Variants in PACRG observed in about 807,000 individuals in gnomAD.
The protein encoded by PACRG is parkin coregulated.
A neutral mutation model predicts 29.7 loss-of-function variants in PACRG; 29 were observed. The observed-to-expected ratio is 0.98, with a 90% CI of 0.73 to 1.33. The LOEUF is 1.33. PACRG is among the 40% of genes most tolerant of loss of function. The probability of loss-of-function intolerance (pLI) is 0.00; values close to 1 mark genes in which losing one functional copy is unlikely to be tolerated. For missense variants in PACRG, 279 were observed against 316.2 expected (o/e 0.88, Z 0.89); for synonymous variants, 116 against 118.7 (o/e 0.98, Z 0.15).
At chr6:162,957,266 CT>C in intron 2 of PACRG, 1 of 521,962 alleles carries the variant, frequency 1.9e-6, no homozygotes. Flanking sequence ...GCTGTCAACA[CT>C]TTCACAATGA....
intron 2 of PACRG, among the ~76,000 whole-genome samples, chr6:162,824,439 C>T (rs1788105779): frequency 6.6e-6 from 1 of 152,100 alleles, no homozygotes; most frequent in Non-Finnish European, 1.5e-5. Context: ...AATCCAATTC[C>T]ATTGATCTCA....
At chr6:162,994,612 C>T (rs1803786673) in intron 2 of PACRG, among the ~76,000 whole-genome samples, 1 of 150,894 alleles carries the variant, frequency 6.6e-6, no homozygotes, top group African/African-American at 2.5e-5. Flanking sequence ...AAGCACTTCT[C>T]TGTATTGGTT....
At chr6:163,063,530 C>G (rs1811269845) in intron 3 of PACRG, among the ~76,000 whole-genome samples, 1 of 152,168 alleles carries the variant, frequency 6.6e-6, no homozygotes, top group Admixed American at 6.5e-5. Context: ...TTAATCGTAT[C>G]CAAGGTCACC....
chr6:162,928,871 T>G (rs1448420158), intron 2 of PACRG, among the ~76,000 whole-genome samples: 1 of 152,078 alleles, frequency 6.6e-6, no homozygotes, highest in Non-Finnish European at 1.5e-5. Flanking sequence ...GTATGGTATT[T>G]GTCTTTCTGT....
chr6:162,829,963 T>G (rs1467064297), intron 2 of PACRG, among the ~76,000 whole-genome samples: 1 of 152,048 alleles, frequency 6.6e-6, no homozygotes, highest in African/African-American at 2.4e-5. Flanking sequence ...ACAAAACCAA[T>G]GTGGTATAGA....
chr6:163,092,890 A>C (rs1476144598), intron 4 of PACRG, among the ~76,000 whole-genome samples: 2 of 152,216 alleles, frequency 1.3e-5, no homozygotes, highest in Admixed American at 6.5e-5. Context: ...GGCAACTGAA[A>C]GTGTTGTGTG....
chr6:163,233,028 G>T (rs996315471), intron 4 of PACRG, among the ~76,000 whole-genome samples: 2 of 152,254 alleles, frequency 1.3e-5, no homozygotes, highest in African/African-American at 2.4e-5. Flanking sequence ...CATCTCTGGG[G>T]AGGAGATGGT....
intron 2 of PACRG, among the ~76,000 whole-genome samples, chr6:163,052,557 G>A (rs1385360490): frequency 2.6e-5 from 4 of 152,092 alleles, no homozygotes; most frequent in Non-Finnish European, 5.9e-5. Flanking sequence ...TTGGATCATG[G>A]GGGTGGTTTT....
chr6:163,134,705 G>A (rs1816859384), intron 4 of PACRG, among the ~76,000 whole-genome samples: 3 of 152,140 alleles, frequency 2.0e-5, no homozygotes, highest in Admixed American at 1.3e-4. Flanking sequence ...TGGAATTGTA[G>A]CACATCACAT....
chr6:162,855,855 C>A (rs1791346564), intron 2 of PACRG, among the ~76,000 whole-genome samples: 1 of 152,126 alleles, frequency 6.6e-6, no homozygotes. Flanking sequence ...AACTGGCCTT[C>A]CTTGGGCACC....
intron 4 of PACRG, among the ~76,000 whole-genome samples, chr6:163,313,309 CT>C (rs574518389): frequency 3.3e-5 from 5 of 150,986 alleles, no homozygotes; most frequent in South Asian, 2.1e-4. Flanking sequence ...GACTCACAAT[CT>C]TTTTTTTTCT....
chr6:162,886,889 T>C (rs1329542990), intron 2 of PACRG, among the ~76,000 whole-genome samples: 2 of 152,174 alleles, frequency 1.3e-5, no homozygotes, highest in Non-Finnish European at 2.9e-5. Flanking sequence ...ACAATAATTA[T>C]GCAACTCCAG....
Position 162,754,639 on chromosome 6 carries a change from G to A in PACRG, c.156+26248G>A, listed in dbSNP as rs60503556. The stretch of plus-strand genomic sequence containing the variant: ...GTTTTTTTTTTTATCTCTTTTGAGT[G>A]ATTTTTACATATGATATAAGAGCCT... On this transcript the variant is annotated intron_variant, in intron 1 of 4. Transcript: ENST00000366888. Among the ~76,000 whole-genome samples the A allele has an allele frequency of 7.2e-3, 1,089 of 151,824 alleles. 19 individuals are homozygous for A. Among genetic ancestry groups the A allele is most frequent in the African/African-American group, 0.025 (1,047 of 41,408 alleles).
intron 2 of PACRG, among the ~76,000 whole-genome samples, chr6:162,834,107 G>A (rs796638512): frequency 2.0e-5 from 3 of 151,968 alleles, no homozygotes; most frequent in South Asian, 4.2e-4. Context: ...TTTCATGTAC[G>A]TTAGGTGCAC....
intron 4 of PACRG, among the ~76,000 whole-genome samples, chr6:163,306,965 G>T (rs742329): frequency 1.3e-5 from 2 of 152,074 alleles, no homozygotes; most frequent in African/African-American, 2.4e-5. Context: ...TAGTTAAATA[G>T]CTAGTGAGTT....
At chr6:163,123,091 G>A (rs1413691577) in intron 4 of PACRG, among the ~76,000 whole-genome samples, 3 of 152,180 alleles carry the variant, frequency 2.0e-5, no homozygotes, top group Non-Finnish European at 4.4e-5. Context: ...GGCTCCTAAC[G>A]GAGAAAAACC....
chr6:162,946,356 A>G (rs1006543547), intron 2 of PACRG, among the ~76,000 whole-genome samples: 11 of 152,152 alleles, frequency 7.2e-5, no homozygotes, highest in African/African-American at 2.4e-4. Context: ...AGAAACTATT[A>G]TGAACAATTA....
At chr6:163,047,023 C>G (rs1298897989) in intron 2 of PACRG, among the ~76,000 whole-genome samples, 1 of 152,190 alleles carries the variant, frequency 6.6e-6, no homozygotes, top group East Asian at 1.9e-4. Flanking sequence ...CTTTCCTGAC[C>G]TATTTAATTC....
At chr6:163,223,285 T>C (rs1236764589) in intron 4 of PACRG, among the ~76,000 whole-genome samples, 1 of 151,988 alleles carries the variant, frequency 6.6e-6, no homozygotes, top group East Asian at 1.9e-4. Flanking sequence ...TCCCAGCTAC[T>C]TGGGAGGCTG....
Sources: gnomAD v4.1 joint callset for allele counts (sites outside exome capture counted in the v4.1 genomes callset) on GRCh38, gnomAD v4.1.1 for gene constraint, MANE v1.5 for transcripts, NCBI Gene and HGNC (gene_info 2026-07-23, HGNC 2026-07-21) for gene names.